PCDHA9: variants seen among roughly 807,000 people sequenced by gnomAD.
PCDHA9 encodes the protein protocadherin alpha 9, also known as protocadherin alpha-9.
PCDHA9 carries 62 observed loss-of-function variants against 62.0 expected under a neutral mutation model. The ratio of observed to expected loss-of-function variants is 1.00; its 90% CI spans 0.81 to 1.23. The LOEUF is 1.23. Ranked by LOEUF, PCDHA9 falls within the 50% of genes most tolerant of loss-of-function variation. The pLI is 0.00. For missense variants in PCDHA9, 1,205 were observed against 1,249.8 expected, an observed-to-expected ratio of 0.96 and a Z score of 0.54; for synonymous variants, 557 against 567.6, an observed-to-expected ratio of 0.98 and a Z score of 0.27.
At chr5:140,877,155 C>T in intron 1 of PCDHA9, 2 of 1,613,798 alleles carry the variant, frequency 1.2e-6, no homozygotes, top group Non-Finnish European at 1.7e-6. Context: ...AGAACGACAA[C>T]GCGCCGGCAC....
At chr5:140,880,812 G>C (rs782505360) in intron 1 of PCDHA9, among the ~76,000 whole-genome samples, 2 of 152,200 alleles carry the variant, frequency 1.3e-5, no homozygotes, top group Non-Finnish European at 2.9e-5. Flanking sequence ...AATGACTCTA[G>C]AGTGTCTGGA....
chr5:140,882,032 T>C (rs2058914811), intron 1 of PCDHA9: 2 of 623,536 alleles, frequency 3.2e-6, no homozygotes, highest in Non-Finnish European at 5.1e-6. Flanking sequence ...ATGGAAAATA[T>C]GAAGACTGAG....
In PCDHA9 at chr5:140,967,951, C is replaced by G. The variant is rs150201840; in HGVS notation, c.2395-10998C>G. On this transcript the variant is annotated intron_variant, in intron 1 of 3. Transcript: ENST00000532602. ...TCAGTGTCAATGACCAAGACTCAGG[C>G]CCCAACCGGAAAGTGAGCCTGGGTC... 6 of 1,614,078 alleles carry G rather than the reference C, an allele frequency of 3.7e-6. No homozygotes were observed. The African/African-American group carries it at 6.7e-5, about 18-fold the overall frequency.
intron 1 of PCDHA9, chr5:140,882,683 C>G (rs1554175163): frequency 6.2e-7 from 1 of 1,614,148 alleles, no homozygotes; most frequent in Non-Finnish European, 8.5e-7. Flanking sequence ...AAGCAAGAAA[C>G]GAATAATCAT....
At chr5:140,863,013 C>A (rs1274171221) in intron 1 of PCDHA9, 1 of 552,838 alleles carries the variant, frequency 1.8e-6, no homozygotes, top group Admixed American at 1.9e-5. Flanking sequence ...AGCTATGACG[C>A]CTGGTTGTCG....
At chr5:140,924,894 CAAAAA>C (rs782133089) in intron 1 of PCDHA9, among the ~76,000 whole-genome samples, 149 of 71,508 alleles carry the variant, frequency 2.1e-3, no homozygotes, top group African/African-American at 5.7e-3. Context: ...GAACCTGTCT[CAAAAA>C]AAAAAATAAA....
intron 1 of PCDHA9, among the ~76,000 whole-genome samples, chr5:140,924,902 AAAATAAAATAAAAT>A (rs1442290811): frequency 5.1e-5 from 2 of 39,026 alleles, no homozygotes; most frequent in East Asian, 1.3e-3. Flanking sequence ...CTCAAAAAAA[AAAATAAAATAAAAT>A]AAAATAAAAT....
chr5:140,884,176 T>G, intron 1 of PCDHA9: 1 of 1,613,372 alleles, frequency 6.2e-7, no homozygotes, highest in Non-Finnish European at 8.5e-7. Flanking sequence ...CGACGCGCCC[T>G]CTGGACGAGG....
rs534013349 is a variant in PCDHA9, at chr5:140,881,427, A to G, written c.2394+30538A>G. ...AATCAATAGGATATTAGTTCCAGGC[A>G]TATTTTATAAAAACAGAATCCAAAA... On this transcript the variant is annotated intron_variant, in intron 1 of 3. Transcript: ENST00000532602. 6.5e-5 allele frequency: 58 copies of G among 895,354 alleles called. No individual in the cohort carries two copies. In the African/African-American group the frequency reaches 9.9e-4, roughly 15 times the overall value. The allele number at this position is 895,354 out of a possible 1,614,324, so 55.5% of individuals were successfully genotyped here. A position where few individuals can be genotyped will look rare whatever the true frequency, so the allele number is the denominator to read the frequency against.
intron 1 of PCDHA9, chr5:140,856,703 C>A (rs1413055800): frequency 1.9e-6 from 3 of 1,596,568 alleles, no homozygotes; most frequent in Admixed American, 1.7e-5. Context: ...TGGAGGCAAA[C>A]CTGAATTTAC....
chr5:140,872,829 G>T (rs187637058), intron 1 of PCDHA9, among the ~76,000 whole-genome samples: 6 of 152,156 alleles, frequency 3.9e-5, no homozygotes, highest in African/African-American at 1.4e-4. Flanking sequence ...ATCTAGCAGA[G>T]AAAAAATTAA....
At chr5:140,956,719 T>C (rs2095305109) in intron 1 of PCDHA9, among the ~76,000 whole-genome samples, 1 of 152,216 alleles carries the variant, frequency 6.6e-6, no homozygotes, top group Non-Finnish European at 1.5e-5. Context: ...TCAGAAGAAT[T>C]GGTACCAGCT....
intron 1 of PCDHA9, chr5:140,864,345 G>A (rs2048432897): frequency 6.6e-6 from 1 of 152,130 alleles, no homozygotes; most frequent in Non-Finnish European, 1.5e-5. Flanking sequence ...TTTAAAACAT[G>A]TTTAAATGTT....
chr5:140,848,437 A>C lies in PCDHA9; in HGVS notation c.-59A>C. ...AGCAGAATGGGACTGACGAAATCAGATGATTTCTTCTAATTTGGAGGCAAT... is the reference window on the plus strand; with the variant it reads ...AGCAGAATGGGACTGACGAAATCAGCTGATTTCTTCTAATTTGGAGGCAAT... On this transcript the variant is annotated 5_prime_UTR_variant, in exon 1 of 4. It removes an upstream start codon present in the reference 5' UTR. Coordinates refer to ENST00000532602, the MANE Select transcript of PCDHA9 (RefSeq NM_031857.2). 6.8e-7 allele frequency: 1 copy of C among 1,473,718 alleles called. No individual in the cohort carries two copies. Among genetic ancestry groups the C allele is most frequent in the Non-Finnish European group, 9.3e-7 (1 of 1,078,696 alleles). The allele number at this position is 1,473,718 out of a possible 1,614,324, so 91.3% of individuals were successfully genotyped here. A position where few individuals can be genotyped will look rare whatever the true frequency, so the allele number is the denominator to read the frequency against.
intron 1 of PCDHA9, chr5:140,867,112 T>C (rs1446733026): frequency 6.6e-6 from 1 of 152,146 alleles, no homozygotes; most frequent in Non-Finnish European, 1.5e-5. Flanking sequence ...AATTAACATA[T>C]TGTTTTAATT....
At chr5:140,937,162 C>A (rs2091378704) in intron 1 of PCDHA9, among the ~76,000 whole-genome samples, 1 of 151,684 alleles carries the variant, frequency 6.6e-6, no homozygotes, top group Non-Finnish European at 1.5e-5. Flanking sequence ...CTCAGCCTCC[C>A]GAGTAGCTGG....
At chr5:140,876,868 G>A in intron 1 of PCDHA9, 7 of 1,614,160 alleles carry the variant, frequency 4.3e-6, no homozygotes, top group Non-Finnish European at 5.9e-6. Context: ...GTTCGTGAAG[G>A]AGAACAACCC....
At chr5:140,907,181 A>T (rs1216886799) in intron 1 of PCDHA9, among the ~76,000 whole-genome samples, 3 of 152,220 alleles carry the variant, frequency 2.0e-5, no homozygotes, top group African/African-American at 7.2e-5. Context: ...GATTCAGAGC[A>T]TACACAACCT....
intron 3 of PCDHA9, among the ~76,000 whole-genome samples, chr5:141,007,687 C>T (rs1434828672): frequency 1.3e-5 from 2 of 152,200 alleles, no homozygotes; most frequent in Non-Finnish European, 2.9e-5. Flanking sequence ...TATCCTACTT[C>T]CACCTCCCTC....
Sources: allele counts gnomAD v4.1 joint callset (sites outside exome capture counted in the v4.1 genomes callset), GRCh38; gene constraint gnomAD v4.1.1; transcripts MANE v1.5; gene names NCBI Gene and HGNC (gene_info 2026-07-23, HGNC 2026-07-21).